Variants in NRXN3 observed in about 807,000 individuals in gnomAD.
The protein encoded by NRXN3 is neurexin III.
In NRXN3, 32 loss-of-function variants were observed where a neutral mutation model predicts 137.6. The ratio of observed to expected loss-of-function variants is 0.23; its 90% CI spans 0.18 to 0.31. NRXN3 has a LOEUF of 0.31. Ranked by LOEUF, NRXN3 falls within the 10% of genes least tolerant of loss-of-function variation. The pLI is 1.00. For synonymous variants in NRXN3, 798 were observed against 784.5 expected (o/e 1.02, Z -0.29); for missense variants, 1,574 against 2,062.5 (o/e 0.76, Z 4.59).
intron 19 of NRXN3, among the ~76,000 whole-genome samples, chr14:79,780,078 G>T (rs565938768): frequency 6.6e-6 from 1 of 151,864 alleles, no homozygotes; most frequent in East Asian, 1.9e-4. Flanking sequence ...TTCATAAGAG[G>T]ATCCACAATT....
rs117428456 is a variant in NRXN3, at chr14:78,274,077, G to A, written c.710-4568G>A. ...GAGAATCTTGGACTCATACCTGTCC[G>A]TCCAAATGATCTAGTACAAATGAAG... is the stretch of plus-strand genomic sequence containing the variant. On this transcript the variant is annotated intron_variant, in intron 2 of 20. Transcript: ENST00000335750. Among the ~76,000 whole-genome samples the A allele has an allele frequency of 1.7e-4, 26 of 152,264 alleles. No individual in the cohort carries two copies. The East Asian group carries it at 4.2e-3, about 25-fold the overall frequency.
intron 10 of NRXN3, among the ~76,000 whole-genome samples, chr14:78,929,673 A>T (rs2099316191): frequency 6.6e-6 from 1 of 152,186 alleles, no homozygotes; most frequent in Non-Finnish European, 1.5e-5. Flanking sequence ...ATGTGTCTTT[A>T]TAATAGGATG....
At chr14:79,776,077 G>T (rs1399985317) in intron 19 of NRXN3, among the ~76,000 whole-genome samples, 1 of 152,150 alleles carries the variant, frequency 6.6e-6, no homozygotes, top group Admixed American at 6.6e-5. Context: ...GTGGGAGTAT[G>T]GCAGACAAAC....
At chr14:79,392,738 G>A (rs191851890) in intron 15 of NRXN3, among the ~76,000 whole-genome samples, 403 of 152,160 alleles carry the variant, frequency 2.6e-3, no homozygotes, top group African/African-American at 9.1e-3. Context: ...TTGGGAGGCC[G>A]AGGCAGGCAG....
At chr14:78,381,490 G>A (rs1039450650) in intron 4 of NRXN3, among the ~76,000 whole-genome samples, 1 of 152,130 alleles carries the variant, frequency 6.6e-6, no homozygotes. Context: ...ATGTGAAATG[G>A]TAAACCACTC....
chr14:79,739,576 G>A (rs1005267043), intron 19 of NRXN3, among the ~76,000 whole-genome samples: 3 of 148,488 alleles, frequency 2.0e-5, no homozygotes, highest in East Asian at 2.0e-4. Context: ...CCCAGGAGGC[G>A]GAGGTTGCAG....
At chr14:79,223,687 C>G (rs1027273865) in intron 15 of NRXN3, among the ~76,000 whole-genome samples, 2 of 152,110 alleles carry the variant, frequency 1.3e-5, no homozygotes, top group African/African-American at 4.8e-5. Flanking sequence ...GCTCCCTGCT[C>G]CCTTCAATAA....
At chr14:79,193,379 C>A (rs907006657) in intron 15 of NRXN3, among the ~76,000 whole-genome samples, 1 of 152,050 alleles carries the variant, frequency 6.6e-6, no homozygotes, top group African/African-American at 2.4e-5. Flanking sequence ...TGTCACAGAA[C>A]AAGGGATATG....
intron 11 of NRXN3, among the ~76,000 whole-genome samples, chr14:78,958,307 A>C (rs1332911839): frequency 6.6e-6 from 1 of 152,050 alleles, no homozygotes; most frequent in Non-Finnish European, 1.5e-5. Flanking sequence ...AGGTACAAGA[A>C]AGAGGGTATC....
intron 4 of NRXN3, among the ~76,000 whole-genome samples, chr14:78,331,650 T>C (rs920096735): frequency 6.6e-6 from 1 of 152,226 alleles, no homozygotes; most frequent in Admixed American, 6.5e-5. Flanking sequence ...ACAGGTAGCC[T>C]GAGAGTTCCA....
chr14:79,208,447 G>A (rs2067127006), intron 15 of NRXN3, among the ~76,000 whole-genome samples: 1 of 152,064 alleles, frequency 6.6e-6, no homozygotes, highest in East Asian at 1.9e-4. Context: ...CTCACACTAA[G>A]AACATTAAAA....
intron 4 of NRXN3, among the ~76,000 whole-genome samples, chr14:78,390,485 A>C (rs1372343366): frequency 1.3e-5 from 2 of 152,322 alleles, no homozygotes; most frequent in Admixed American, 6.5e-5. Flanking sequence ...CACCCCACTC[A>C]TTCCAAGTGG....
At chr14:78,667,709 T>G (rs972965845) in intron 6 of NRXN3, among the ~76,000 whole-genome samples, 3 of 152,164 alleles carry the variant, frequency 2.0e-5, no homozygotes, top group Non-Finnish European at 2.9e-5. Flanking sequence ...GATAAATATG[T>G]GTGCATATGT....
intron 4 of NRXN3, among the ~76,000 whole-genome samples, chr14:78,602,919 T>A (rs993180615): frequency 1.3e-5 from 2 of 152,172 alleles, no homozygotes; most frequent in African/African-American, 4.8e-5. Flanking sequence ...TGCCCTTCAG[T>A]TCATGGCATA....
At chr14:79,820,864 A>G (rs2223032) in intron 20 of NRXN3, among the ~76,000 whole-genome samples, 135,557 of 152,194 alleles carry the variant, frequency 0.89, 60,451 homozygotes, top group East Asian at 0.95. Context: ...ATCTTAATGT[A>G]TCCCAAACCC....
intron 4 of NRXN3, among the ~76,000 whole-genome samples, chr14:78,352,947 G>A (rs1299444474): frequency 1.3e-5 from 2 of 152,190 alleles, no homozygotes; most frequent in African/African-American, 4.8e-5. Flanking sequence ...TGATCCAAGA[G>A]CTTCAGCCAT....
intron 16 of NRXN3, among the ~76,000 whole-genome samples, chr14:79,588,166 A>C (rs755014164): frequency 6.6e-6 from 1 of 152,236 alleles, no homozygotes; most frequent in Non-Finnish European, 1.5e-5. Context: ...TGAAGGAGTC[A>C]GTATGTAATG....
At position 78,755,677 on chromosome 14, in the gene NRXN3, A is replaced by G. The variant is rs796620731; in HGVS notation, c.2044+40538A>G. 8.9e-4 allele frequency among the ~76,000 whole-genome samples: 135 copies of G among 152,306 alleles called. 1 individual carries two copies. Among genetic ancestry groups the G allele is most frequent in the African/African-American group, 3.2e-3 (132 of 41,570 alleles). Reference sequence around the variant, plus strand: ...AAAACATCTTTGATGAAGAGATTCCATTGGTATTTCATGGATAGGCTGAGG... The same window carrying G: ...AAAACATCTTTGATGAAGAGATTCCGTTGGTATTTCATGGATAGGCTGAGG... On this transcript the variant is annotated intron_variant, in intron 8 of 20. Transcript: ENST00000335750.
Position 78,877,628 on chromosome 14 carries a change from A to T in NRXN3, c.2275+67284A>T, listed in dbSNP as rs551049099. 2.0e-5 allele frequency among the ~76,000 whole-genome samples: 3 copies of T among 152,346 alleles called. No individual in the cohort carries two copies. The South Asian group carries it at 6.2e-4, about 32-fold the overall frequency. ...TGTAATAATGCTCAACAAATATTTG[A>T]TTAATGAATAGACAGGCTTTTATGA... is the stretch of plus-strand genomic sequence containing the variant. On this transcript the variant is annotated intron_variant, in intron 10 of 20. Transcript: ENST00000335750.
Sources: gnomAD v4.1 joint callset for allele counts (sites outside exome capture counted in the v4.1 genomes callset) on GRCh38, gnomAD v4.1.1 for gene constraint, MANE v1.5 for transcripts, NCBI Gene and HGNC (gene_info 2026-07-23, HGNC 2026-07-21) for gene names.